The following PDE12 variants were observed in gnomAD, a reference collection of about 807,000 sequenced individuals.
The protein encoded by PDE12 is 2',5'-phosphodiesterase 12.
Under a neutral mutation model 45.4 loss-of-function variants are expected in PDE12, and 26 were observed. The ratio of observed to expected loss-of-function variants is 0.57; its 90% confidence interval spans 0.42 to 0.79. PDE12 has a LOEUF of 0.79. Among genes scored for constraint, PDE12 ranks in the 30% least tolerant of loss-of-function variants. PDE12 has a pLI of 0.00. For missense variants in PDE12, 668 were observed against 790.0 expected, an observed-to-expected ratio of 0.85 and a Z score of 1.85; for synonymous variants, 283 against 323.9, an observed-to-expected ratio of 0.87 and a Z score of 1.36.
At chr3:57,617,149 G>A in the PDE12 span, among the ~76,000 whole-genome samples, 2 of 151,638 alleles carry the variant, frequency 1.3e-5, no homozygotes, top group East Asian at 1.9e-4. Context: ...TCATGTCTGC[G>A]ATCCTTGCTC....
At chr3:57,628,029 T>C in the PDE12 span, 14 of 706,232 alleles carry the variant, frequency 2.0e-5, no homozygotes, top group Admixed American at 1.1e-4. Context: ...ACCACAGATA[T>C]CCACTTTAAA....
chr3:57,565,495 T>G lies in PDE12; in HGVS notation c.*5491T>G, dbSNP rs2069777891. The G allele has an allele frequency of 6.6e-6, 1 of 152,200 alleles. No individual in the cohort carries two copies. The highest frequency in any genetic ancestry group is 1.9e-4 in the East Asian group (1 of 5,196). The allele number at this position is 152,200 out of a possible 1,614,324, so 9.4% of individuals were successfully genotyped here. A position where few individuals can be genotyped will look rare whatever the true frequency, so the allele number is the denominator to read the frequency against. On this transcript the variant is annotated 3_prime_UTR_variant, in exon 3 of 3. Coordinates refer to ENST00000311180, the MANE Select transcript of PDE12 (RefSeq NM_177966.7). Reference sequence around the variant, plus strand: ...GTACTCTCTCAGTTATTCTAAAATGTGATATACACACTTTTAAAAGGATTT... The same window carrying G: ...GTACTCTCTCAGTTATTCTAAAATGGGATATACACACTTTTAAAAGGATTT...
At chr3:57,596,896 CGG>C in the PDE12 span, 1 of 622,158 alleles carries the variant, frequency 1.6e-6, no homozygotes, top group South Asian at 1.9e-5. Flanking sequence ...AGATCGGGGG[CGG>C]GGGGGATCGC....
At position 57,559,978 on chromosome 3, in the gene PDE12, C is replaced by T. The variant is rs2069710073; in HGVS notation, c.1804C>T (p.Leu602Phe). ...TTCCCATCCCTCTGATCACATAGCA[C>T]TTGTATGTGATTTAAAATGGAAATA... ...SVSHPSDHIA[L>F]VCDLKWK The change falls in exon 3 of 3, where the codon CTT becomes TTT. Residue 602 changes from leucine to phenylalanine, a missense_variant. Transcript: ENST00000311180. 1 of 1,607,140 alleles carries T rather than the reference C, an allele frequency of 6.2e-7. No homozygotes were observed. Among genetic ancestry groups the T allele is most frequent in the Non-Finnish European group, 8.5e-7 (1 of 1,177,590 alleles).
chr3:57,557,496 G>T lies in PDE12; in HGVS notation c.1117G>T (p.Val373Leu). Reference sequence around the variant, plus strand: ...CCTAGAGGCCTTCGGGCTCGAGGGGGTGTTTCGAATCAAGCAGCACGAAGG... The same window carrying T: ...CCTAGAGGCCTTCGGGCTCGAGGGGTTGTTTCGAATCAAGCAGCACGAAGG... ...PALEAFGLEG[V>L]FRIKQHEGLA... Residue 373 changes from valine to leucine, a missense_variant, in exon 1 of 3, where the codon GTG becomes TTG. By Grantham distance (32) the Val-to-Leu change is conservative. Transcript: ENST00000311180. The T allele has an allele frequency of 2.5e-6, 4 of 1,614,032 alleles. No homozygotes were observed. The highest frequency in any genetic ancestry group is 2.5e-6 in the Non-Finnish European group (3 of 1,180,026).
At chr3:57,646,240 C>A in the PDE12 span, 1 of 1,532,336 alleles carries the variant, frequency 6.5e-7, no homozygotes, top group Non-Finnish European at 8.8e-7. Flanking sequence ...GTGGGAAGTG[C>A]TGCAAATATC....
the PDE12 span, among the ~76,000 whole-genome samples, chr3:57,641,105 C>A: frequency 6.7e-6 from 1 of 148,790 alleles, no homozygotes; most frequent in African/African-American, 2.5e-5. Flanking sequence ...TTGGAAAGTT[C>A]TGTTTTATTG....
At chr3:57,568,122 A>C (rs563354389), downstream of PDE12, among the ~76,000 whole-genome samples, 1 of 150,396 alleles carries the variant, frequency 6.6e-6, no homozygotes, top group African/African-American at 2.4e-5. Context: ...ATGACAAGTT[A>C]GGAGTCACTT....
chr3:57,616,228 G>C, the PDE12 span, among the ~76,000 whole-genome samples: 2 of 152,092 alleles, frequency 1.3e-5, no homozygotes, highest in African/African-American at 4.8e-5. Flanking sequence ...GGAGGCTGAT[G>C]TGGCAGAATC....
At chr3:57,627,900 C>A in the PDE12 span, 1 of 201,822 alleles carries the variant, frequency 5.0e-6, no homozygotes, top group Non-Finnish European at 1.0e-5. Context: ...ATCTGCAATG[C>A]CAGCACTGCA....
Position 57,564,807 on chromosome 3 carries a change from CA to C in PDE12, c.*4804del, listed in dbSNP as rs1442590121. ...CAGCCTCCCCAAATAGCTGGGACTA[CA>C]GGTGCGCACCGCCACACCTGGCTAA... is the stretch of plus-strand genomic sequence containing the variant. On this transcript the variant is annotated 3_prime_UTR_variant, in exon 3 of 3. Coordinates refer to ENST00000311180, the MANE Select transcript of PDE12 (RefSeq NM_177966.7). 2.1e-5 allele frequency: 3 copies of C among 146,170 alleles called. No homozygotes were observed. Among genetic ancestry groups the C allele is most frequent in the Admixed American group, 6.9e-5 (1 of 14,530 alleles). 9.1% of individuals were successfully genotyped at this position (146,170 alleles called of 1,614,324 possible).
chr3:57,563,354 CTTTTT>C lies in PDE12; in HGVS notation c.*3353_*3357del, dbSNP rs910770403. Reference sequence around the variant, plus strand: ...AACTGAAAACTAACTTTCTTTTTTTCTTTTTTTATTATTATACTTTAAGTTCTAGT... The same window carrying C: ...AACTGAAAACTAACTTTCTTTTTTTCTTATTATTATACTTTAAGTTCTAGT... On this transcript the variant is annotated 3_prime_UTR_variant, in exon 3 of 3. Coordinates refer to ENST00000311180, the MANE Select transcript of PDE12 (RefSeq NM_177966.7). 1.3e-5 allele frequency: 2 copies of C among 151,850 alleles called. No homozygotes were observed. The highest frequency in any genetic ancestry group is 2.9e-5 in the Non-Finnish European group (2 of 67,942). The allele number at this position is 151,850 out of a possible 1,614,324, so 9.4% of individuals were successfully genotyped here.
chr3:57,596,741 G>A, the PDE12 span: 1 of 291,498 alleles, frequency 3.4e-6, no homozygotes, highest in Non-Finnish European at 6.7e-6. Flanking sequence ...CCCCCAGAAA[G>A]GGCCTCGCCA....
chr3:57,642,305 C>A, the PDE12 span, among the ~76,000 whole-genome samples: 3 of 123,180 alleles, frequency 2.4e-5, no homozygotes, highest in Admixed American at 2.1e-4. Context: ...CAGAGTGAGA[C>A]TCTGTCTCAA....
At chr3:57,646,296 T>C in the PDE12 span, 1 of 1,582,658 alleles carries the variant, frequency 6.3e-7, no homozygotes, top group South Asian at 1.2e-5. Context: ...AACCCAGAAA[T>C]AGTAACCAAA....
the PDE12 span, among the ~76,000 whole-genome samples, chr3:57,586,498 A>C: frequency 6.6e-6 from 1 of 152,168 alleles, no homozygotes; most frequent in African/African-American, 2.4e-5. Context: ...CCCTACCAAG[A>C]ATAACTTTAA....
chr3:57,642,130 T>C, the PDE12 span, among the ~76,000 whole-genome samples: 1 of 151,630 alleles, frequency 6.6e-6, no homozygotes, highest in Non-Finnish European at 1.5e-5. Context: ...CTGGCCAACA[T>C]GGTGAAACCC....
chr3:57,611,978 C>G, the PDE12 span, among the ~76,000 whole-genome samples: 1 of 152,058 alleles, frequency 6.6e-6, no homozygotes, highest in Non-Finnish European at 1.5e-5. Context: ...ATAGCAAAGA[C>G]TTGGAACCAA....
the PDE12 span, among the ~76,000 whole-genome samples, chr3:57,585,665 C>CTTTT: frequency 8.8e-5 from 12 of 137,074 alleles, 1 homozygote; most frequent in African/African-American, 1.1e-4. Context: ...TATCTAAATT[C>CTTTT]TTTTTTTTTT....
Sources: gnomAD v4.1 joint callset for allele counts (sites outside exome capture counted in the v4.1 genomes callset) on GRCh38, gnomAD v4.1.1 for gene constraint, MANE v1.5 for transcripts, NCBI Gene and HGNC (gene_info 2026-07-23, HGNC 2026-07-21) for gene names.